The following KCNH8 variants were observed in gnomAD, a reference collection of about 807,000 sequenced individuals.
KCNH8 encodes the protein potassium voltage-gated channel subfamily H member 8.
In KCNH8, 70 loss-of-function variants were observed where a neutral mutation model predicts 103.6. That is an observed-to-expected ratio of 0.68 (90% confidence interval 0.56 to 0.82). The LOEUF (loss-of-function observed/expected upper bound fraction) is 0.82, where lower values mean the gene tolerates loss of function less well. Ranked by LOEUF, KCNH8 falls within the 40% of genes least tolerant of loss-of-function variation. The probability of loss-of-function intolerance (pLI) is 0.00; values close to 1 mark genes in which losing one functional copy is unlikely to be tolerated. For synonymous variants in KCNH8, 498 were observed against 489.4 expected (o/e 1.02, Z -0.23); for missense variants, 1,217 against 1,329.9 (o/e 0.92, Z 1.32).
intron 5 of KCNH8, among the ~76,000 whole-genome samples, chr3:19,389,355 T>C (rs2066402115): frequency 6.6e-6 from 1 of 152,096 alleles, no homozygotes; most frequent in South Asian, 2.1e-4. Flanking sequence ...TGTCATTTGA[T>C]CAGCACTCAG....
intron 5 of KCNH8, among the ~76,000 whole-genome samples, chr3:19,351,863 C>T (rs1236898115): frequency 6.6e-6 from 1 of 152,118 alleles, no homozygotes; most frequent in Non-Finnish European, 1.5e-5. Flanking sequence ...ATCATAATGA[C>T]AGGATCAAAT....
chr3:19,514,815 A>G (rs1305944369), intron 13 of KCNH8, among the ~76,000 whole-genome samples: 1 of 151,920 alleles, frequency 6.6e-6, no homozygotes, highest in Non-Finnish European at 1.5e-5. Context: ...AATTTAGGTC[A>G]GAGGACTTTT....
At chr3:19,471,336 G>C (rs561304646) in intron 11 of KCNH8, among the ~76,000 whole-genome samples, 2 of 152,128 alleles carry the variant, frequency 1.3e-5, no homozygotes, top group African/African-American at 2.4e-5. Context: ...CCAGGAATCC[G>C]CATACCTGCT....
chr3:19,159,578 T>A (rs2063214676), intron 1 of KCNH8, among the ~76,000 whole-genome samples: 2 of 152,084 alleles, frequency 1.3e-5, no homozygotes, highest in Non-Finnish European at 2.9e-5. Flanking sequence ...TTGGCAGATC[T>A]CCAGTTCTTA....
chr3:19,446,041 CAA>C (rs998968835), intron 8 of KCNH8, among the ~76,000 whole-genome samples: 5 of 151,762 alleles, frequency 3.3e-5, no homozygotes, highest in Admixed American at 1.3e-4. Flanking sequence ...GACTGGAAAA[CAA>C]AGAGAAAAAT....
chr3:19,525,138 T>C (rs2069041914), intron 15 of KCNH8, among the ~76,000 whole-genome samples: 1 of 151,936 alleles, frequency 6.6e-6, no homozygotes, highest in Admixed American at 6.6e-5. Flanking sequence ...CTCAACTTAG[T>C]CATTCCACAA....
At chr3:19,330,450 T>C (rs1042741321) in intron 3 of KCNH8, among the ~76,000 whole-genome samples, 5 of 152,142 alleles carry the variant, frequency 3.3e-5, no homozygotes, top group Admixed American at 2.6e-4. Context: ...TTGTAACTGA[T>C]TGGGTTATAA....
intron 15 of KCNH8, among the ~76,000 whole-genome samples, chr3:19,520,989 C>T (rs1020606717): frequency 6.6e-6 from 1 of 151,992 alleles, no homozygotes; most frequent in Non-Finnish European, 1.5e-5. Context: ...TGTGGGGCAG[C>T]TGCTAATATT....
chr3:19,215,621 G>A (rs11926139), intron 1 of KCNH8, among the ~76,000 whole-genome samples: 5,927 of 152,264 alleles, frequency 0.039, 411 homozygotes, highest in African/African-American at 0.13. Flanking sequence ...AGATCCCTTT[G>A]GGGATTTCTT....
At chr3:19,424,874 G>T (rs1399381037) in intron 7 of KCNH8, among the ~76,000 whole-genome samples, 2 of 152,212 alleles carry the variant, frequency 1.3e-5, no homozygotes, top group South Asian at 4.1e-4. Flanking sequence ...AATTTTAAAT[G>T]TGCATTAATT....
At chr3:19,495,303 G>A (rs1025366160) in intron 11 of KCNH8, among the ~76,000 whole-genome samples, 3 of 152,066 alleles carry the variant, frequency 2.0e-5, no homozygotes, top group South Asian at 4.1e-4. Flanking sequence ...TGCCTAGGTT[G>A]TCTTCCAGAG....
At chr3:19,300,496 GC>G (rs956408411) in intron 3 of KCNH8, among the ~76,000 whole-genome samples, 3 of 152,106 alleles carry the variant, frequency 2.0e-5, no homozygotes, top group African/African-American at 7.2e-5. Flanking sequence ...ATAAGCTCCT[GC>G]TTTGGAGTAT....
intron 5 of KCNH8, among the ~76,000 whole-genome samples, chr3:19,370,972 G>A (rs1011637198): frequency 1.3e-5 from 2 of 152,034 alleles, no homozygotes; most frequent in Non-Finnish European, 2.9e-5. Flanking sequence ...GTATTCCATG[G>A]TGTATATGTG....
intron 11 of KCNH8, among the ~76,000 whole-genome samples, chr3:19,460,417 G>C (rs1487078378): frequency 6.6e-6 from 1 of 152,106 alleles, no homozygotes; most frequent in African/African-American, 2.4e-5. Context: ...TTCAAGTTAG[G>C]AGTTGGCTAA....
intron 1 of KCNH8, among the ~76,000 whole-genome samples, chr3:19,245,566 A>G (rs1385980581): frequency 6.6e-6 from 1 of 152,080 alleles, no homozygotes; most frequent in Non-Finnish European, 1.5e-5. Flanking sequence ...ACAGATACTG[A>G]TTTTTCAATC....
chr3:19,395,029 G>T, intron 6 of KCNH8, 75 bp from the exon 7 acceptor site: 2 of 1,042,964 alleles, frequency 1.9e-6, no homozygotes, highest in South Asian at 2.6e-5. Context: ...AGAATTTTTA[G>T]AATGGCTCCA....
intron 1 of KCNH8, among the ~76,000 whole-genome samples, chr3:19,180,593 G>A (rs1236041828): frequency 6.6e-6 from 1 of 152,126 alleles, no homozygotes; most frequent in Non-Finnish European, 1.5e-5. Context: ...TTCTGAACTT[G>A]ACTTCAGGCA....
At chr3:19,394,067 C>T (rs1253945176) in intron 6 of KCNH8, among the ~76,000 whole-genome samples, 1 of 151,958 alleles carries the variant, frequency 6.6e-6, no homozygotes, top group Non-Finnish European at 1.5e-5. Context: ...AGCAAACTCC[C>T]AGTGCTGACC....
At chr3:19,171,505 A>C (rs1180394079) in intron 1 of KCNH8, among the ~76,000 whole-genome samples, 3 of 152,174 alleles carry the variant, frequency 2.0e-5, no homozygotes, top group Non-Finnish European at 4.4e-5. Context: ...GGGTTGATGA[A>C]CATGGTGGAA....
Sources: gnomAD v4.1 joint callset for allele counts (sites outside exome capture counted in the v4.1 genomes callset) on GRCh38, gnomAD v4.1.1 for gene constraint, MANE v1.5 for transcripts, NCBI Gene and HGNC (gene_info 2026-07-23, HGNC 2026-07-21) for gene names.